The following RPS6KA2 variants were observed in gnomAD, a reference collection of about 807,000 sequenced individuals.
RPS6KA2 encodes the protein ribosomal protein S6 kinase A2.
Under a neutral mutation model 91.8 loss-of-function variants are expected in RPS6KA2, and 42 were observed. That is an observed-to-expected ratio of 0.46 (90% CI 0.36 to 0.59). The LOEUF (loss-of-function observed/expected upper bound fraction) is 0.59, where lower values mean the gene tolerates loss of function less well. RPS6KA2 is among the 20% of genes least tolerant of loss of function. The probability of loss-of-function intolerance (pLI) is 0.00; values close to 1 mark genes in which losing one functional copy is unlikely to be tolerated. For missense variants in RPS6KA2, 798 were observed against 978.5 expected, an observed-to-expected ratio of 0.82 and a Z score of 2.46; for synonymous variants, 414 against 393.6, an observed-to-expected ratio of 1.05 and a Z score of -0.61.
chr6:166,455,691 T>C (rs1484805731), intron 12 of RPS6KA2, among the ~76,000 whole-genome samples: 1 of 152,218 alleles, frequency 6.6e-6, no homozygotes, highest in Non-Finnish European at 1.5e-5. Context: ...TGAGCGGCTC[T>C]GCTTCGCGGC....
intron 2 of RPS6KA2, among the ~76,000 whole-genome samples, chr6:166,817,017 C>T (rs761348013): frequency 6.6e-6 from 1 of 152,140 alleles, no homozygotes; most frequent in African/African-American, 2.4e-5. Context: ...CTGTGGTCAC[C>T]TCAAACCATG....
At chr6:166,637,942 G>T (rs1250872287) in intron 2 of RPS6KA2, among the ~76,000 whole-genome samples, 5 of 152,264 alleles carry the variant, frequency 3.3e-5, no homozygotes, top group Non-Finnish European at 5.9e-5. Context: ...TAACCCCCTG[G>T]ATGAGGAATC....
chr6:166,608,660 G>T (rs1266705691), intron 1 of RPS6KA2, among the ~76,000 whole-genome samples: 14 of 152,130 alleles, frequency 9.2e-5, no homozygotes. Flanking sequence ...CAGTTAAAGT[G>T]CCTCATGGCT....
intron 3 of RPS6KA2, among the ~76,000 whole-genome samples, chr6:166,529,181 T>A (rs1783168631): frequency 6.6e-6 from 1 of 152,214 alleles, no homozygotes; most frequent in Non-Finnish European, 1.5e-5. Context: ...CAAATGTCCA[T>A]CAATGATAGA....
intron 5 of RPS6KA2, among the ~76,000 whole-genome samples, chr6:166,506,072 C>T (rs373350464): frequency 2.0e-5 from 3 of 152,144 alleles, no homozygotes; most frequent in Non-Finnish European, 2.9e-5. Flanking sequence ...CGATGGTCCC[C>T]GTAAGATGCT....
At position 166,685,236 on chromosome 6, in the gene RPS6KA2, T is replaced by TGCG. The variant is rs1562382166; in HGVS notation, c.124-146453_124-146452insCGC. ...TGGAGTGTGGAGTGTGTATGCAGGC[T>TGCG]GGGAGGACAGAGGCCGAGGAAAGCT... On this transcript the variant is annotated intron_variant, in intron 2 of 21. Transcript: ENST00000503859. Among the ~76,000 whole-genome samples the TGCG allele has an allele frequency of 2.4e-4, 36 of 147,882 alleles. 3 individuals are homozygous for TGCG. The highest frequency in any genetic ancestry group is 6.6e-4 in the African/African-American group (26 of 39,180).
chr6:166,497,822 T>G (rs866190302), intron 8 of RPS6KA2, among the ~76,000 whole-genome samples: 2 of 152,206 alleles, frequency 1.3e-5, no homozygotes, highest in Non-Finnish European at 2.9e-5. Flanking sequence ...TGGCCTCAGT[T>G]TCCTCCTGTG....
At chr6:166,451,071 A>T (rs1779896050) in intron 13 of RPS6KA2, 32 bp downstream of exon 13, 2 of 1,612,744 alleles carry the variant, frequency 1.2e-6, no homozygotes, top group African/African-American at 1.3e-5. Context: ...GTGCCCTCTT[A>T]CCCCCAACCC....
At chr6:166,808,281 C>A (rs1242790532) in intron 2 of RPS6KA2, among the ~76,000 whole-genome samples, 1 of 152,164 alleles carries the variant, frequency 6.6e-6, no homozygotes, top group African/African-American at 2.4e-5. Flanking sequence ...CCTTTTCTTG[C>A]CTTTTCTCCT....
intron 1 of RPS6KA2, among the ~76,000 whole-genome samples, chr6:166,859,298 G>A (rs529732993): frequency 6.6e-6 from 1 of 152,214 alleles, no homozygotes; most frequent in East Asian, 1.9e-4. Flanking sequence ...AAATAAAATG[G>A]GTCAGCCAGA....
chr6:166,745,481 T>C (rs965484712), intron 2 of RPS6KA2, among the ~76,000 whole-genome samples: 30 of 152,118 alleles, frequency 2.0e-4, no homozygotes, highest in African/African-American at 7.0e-4. Flanking sequence ...AAGACACCAG[T>C]CAGATTGGAC....
intron 1 of RPS6KA2, among the ~76,000 whole-genome samples, chr6:166,595,192 C>T (rs1432948150): frequency 1.3e-5 from 2 of 152,086 alleles, no homozygotes; most frequent in African/African-American, 4.8e-5. Flanking sequence ...GCTGGGATTA[C>T]AGGCACATAC....
chr6:166,807,960 C>T (rs546775995), intron 2 of RPS6KA2, among the ~76,000 whole-genome samples: 1 of 152,192 alleles, frequency 6.6e-6, no homozygotes, highest in East Asian at 1.9e-4. Context: ...GAGTGCAGAG[C>T]TCCCACCGCT....
chr6:166,474,078 T>C (rs765337448), intron 10 of RPS6KA2, among the ~76,000 whole-genome samples: 13 of 150,526 alleles, frequency 8.6e-5, no homozygotes, highest in Non-Finnish European at 1.8e-4. Context: ...GCTTGAGCGG[T>C]GTGGGAGTCA....
chr6:166,765,386 C>A (rs1778283504), intron 2 of RPS6KA2, among the ~76,000 whole-genome samples: 1 of 152,212 alleles, frequency 6.6e-6, no homozygotes, highest in Non-Finnish European at 1.5e-5. Context: ...CCCTCCTTAG[C>A]CATGGCCCCC....
intron 7 of RPS6KA2, among the ~76,000 whole-genome samples, chr6:166,499,862 C>CA (rs1259660117): frequency 1.3e-5 from 2 of 152,078 alleles, no homozygotes; most frequent in Non-Finnish European, 2.9e-5. Flanking sequence ...ACTTTGAGAA[C>CA]AGACTAATAC....
chr6:166,720,984 A>T (rs1449376995), intron 2 of RPS6KA2, among the ~76,000 whole-genome samples: 1 of 152,186 alleles, frequency 6.6e-6, no homozygotes, highest in Non-Finnish European at 1.5e-5. Context: ...TTCACAGTTA[A>T]AAGTCATCTT....
At chr6:166,556,904 A>T (rs553427214) in intron 1 of RPS6KA2, among the ~76,000 whole-genome samples, 2 of 152,340 alleles carry the variant, frequency 1.3e-5, no homozygotes, top group African/African-American at 4.8e-5. Context: ...TGTTTCACCC[A>T]GGCAGATTTA....
In RPS6KA2 at chr6:166,423,778, G is replaced by T. The variant is rs1778814968; in HGVS notation, c.1582-361C>A. Reference sequence around the variant, plus strand: ...TAGGAATGAAAAGCATTTTAAAGATGATATTCATTCAATAACTACTCCCTG... The same window carrying T: ...TAGGAATGAAAAGCATTTTAAAGATTATATTCATTCAATAACTACTCCCTG... On this transcript the variant is annotated intron_variant, in intron 16 of 20. Transcript: ENST00000265678. This position sits in a 1 kb window ranked among gnomAD's most constrained non-coding sequence, Gnocchi z 4.8. The T allele has an allele frequency of 5.4e-6, 1 of 185,172 alleles. No homozygotes were observed. The highest frequency in any genetic ancestry group is 1.1e-5 in the Non-Finnish European group (1 of 89,354). The allele number at this position is 185,172 out of a possible 1,614,324, so 11.5% of individuals were successfully genotyped here. A position where few individuals can be genotyped will look rare whatever the true frequency, so the allele number is the denominator to read the frequency against.
Sources: allele counts gnomAD v4.1 joint callset (sites outside exome capture counted in the v4.1 genomes callset), GRCh38; gene constraint gnomAD v4.1.1; non-coding constraint Gnocchi (gnomAD v3.1); transcripts MANE v1.5; gene names NCBI Gene and HGNC (gene_info 2026-07-23, HGNC 2026-07-21).